The following PRRG1 variants were observed in gnomAD, a reference collection of about 807,000 sequenced individuals.
PRRG1 encodes transmembrane gamma-carboxyglutamic acid protein 1.
Under a neutral mutation model 11.8 loss-of-function variants are expected in PRRG1, and 5 were observed. The observed-to-expected ratio is 0.42, with a 90% CI of 0.22 to 0.89. PRRG1 has a LOEUF of 0.89. Ranked by LOEUF, PRRG1 falls within the 40% of genes least tolerant of loss-of-function variation. The probability of loss-of-function intolerance (pLI) is 0.28; values close to 1 mark genes in which losing one functional copy is unlikely to be tolerated. For synonymous variants in PRRG1, 66 were observed against 60.4 expected (o/e 1.09, Z -0.43); for missense variants, 155 against 166.1 (o/e 0.93, Z 0.37).
intron 3 of PRRG1, among the ~76,000 whole-genome samples, chrX:37,440,177 A>G (rs782284917): frequency 8.9e-6 from 1 of 111,997 alleles, no homozygotes; most frequent in South Asian, 3.8e-4. Flanking sequence ...TCTTTAGACC[A>G]GTATTTTAAG....
intron 3 of PRRG1, chrX:37,442,060 G>A (rs782190507): frequency 1.8e-4 from 136 of 768,908 alleles, no homozygotes; most frequent in Non-Finnish European, 1.9e-4. Flanking sequence ...GGGCGGCAGC[G>A]AGGAAGACAC....
intron 2 of PRRG1, among the ~76,000 whole-genome samples, chrX:37,422,520 T>C (rs1386433050): frequency 8.9e-6 from 1 of 112,229 alleles, no homozygotes; most frequent in East Asian, 2.8e-4. Context: ...TCTTTCTTCA[T>C]GTATTAGTTG....
intron 3 of PRRG1, among the ~76,000 whole-genome samples, chrX:37,432,226 T>C (rs182059403): frequency 0.015 from 1,674 of 110,416 alleles, 45 homozygotes; most frequent in African/African-American, 0.053. Flanking sequence ...TAGCTGGGAC[T>C]ACAGACGCCT....
intron 1 of PRRG1, among the ~76,000 whole-genome samples, chrX:37,387,118 G>T (rs1474787743): frequency 1.8e-5 from 2 of 111,784 alleles, no homozygotes; most frequent in African/African-American, 6.5e-5. Flanking sequence ...ATTTCATAAG[G>T]TGAGAGATAC....
At chrX:37,441,164 CA>C (rs1336601357) in intron 3 of PRRG1, 35 of 846,725 alleles carry the variant, frequency 4.1e-5, no homozygotes, top group Non-Finnish European at 5.0e-5. Context: ...AAAATGTTAC[CA>C]AAAATATCAA....
At chrX:37,421,651 T>G (rs375824083) in intron 2 of PRRG1, among the ~76,000 whole-genome samples, 2 of 112,312 alleles carry the variant, frequency 1.8e-5, no homozygotes, top group African/African-American at 6.5e-5. Context: ...TTCTCCCTTA[T>G]TTTGTTTTCG....
At chrX:37,397,099 T>C (rs1281018290) in intron 1 of PRRG1, among the ~76,000 whole-genome samples, 4 of 112,814 alleles carry the variant, frequency 3.5e-5, no homozygotes, top group East Asian at 5.5e-4. Flanking sequence ...CCACAAAATG[T>C]ACCACTTGTG....
intron 1 of PRRG1, among the ~76,000 whole-genome samples, chrX:37,350,037 T>TG (rs1162761089): frequency 6.2e-5 from 1 of 16,022 alleles, no homozygotes; most frequent in African/African-American, 2.8e-4. Context: ...GGTGCGGCCC[T>TG]GGGGGATGGG....
chrX:37,405,720 A>C (rs782472679), intron 1 of PRRG1, among the ~76,000 whole-genome samples: 2 of 111,500 alleles, frequency 1.8e-5, no homozygotes, highest in Non-Finnish European at 3.8e-5. Flanking sequence ...CCTCAGGGCT[A>C]ATTTGATTAG....
At chrX:37,355,655 TG>T (rs1930213028) in intron 1 of PRRG1, among the ~76,000 whole-genome samples, 1 of 109,186 alleles carries the variant, frequency 9.2e-6, no homozygotes, top group African/African-American at 3.3e-5. Flanking sequence ...GAGAAAGGAG[TG>T]AAAAAAGTAA....
chrX:37,380,495 A>C (rs1344798088), intron 1 of PRRG1, among the ~76,000 whole-genome samples: 1 of 111,238 alleles, frequency 9.0e-6, no homozygotes, highest in Non-Finnish European at 1.9e-5. Flanking sequence ...TGGTTTCCTC[A>C]TCTGTAAAAC....
At chrX:37,393,367 T>A (rs1480197752) in intron 1 of PRRG1, among the ~76,000 whole-genome samples, 4 of 109,799 alleles carry the variant, frequency 3.6e-5, no homozygotes, top group Non-Finnish European at 5.7e-5. Flanking sequence ...TTTACATATA[T>A]CTATACCTCA....
chrX:37,435,684 A>G (rs565941111), intron 3 of PRRG1, among the ~76,000 whole-genome samples: 2 of 111,284 alleles, frequency 1.8e-5, no homozygotes, highest in East Asian at 2.8e-4. Flanking sequence ...ACCAAAAGAC[A>G]TTCTCCAAAA....
At chrX:37,425,748 A>C (rs1291068793) in intron 2 of PRRG1, 92 bp from the exon 3 acceptor site, 1 of 798,005 alleles carries the variant, frequency 1.3e-6, no homozygotes, top group South Asian at 3.1e-5. Context: ...GAGGTTTAGG[A>C]TGTTGGCTAT....
At chrX:37,424,992 G>C (rs781799165) in intron 2 of PRRG1, among the ~76,000 whole-genome samples, 5 of 111,187 alleles carry the variant, frequency 4.5e-5, no homozygotes, top group Admixed American at 9.6e-5. Flanking sequence ...CATTAACGGA[G>C]ATGAAATTCT....
chrX:37,355,528 C>G (rs1930209837), intron 1 of PRRG1, among the ~76,000 whole-genome samples: 1 of 111,691 alleles, frequency 9.0e-6, no homozygotes, highest in African/African-American at 3.3e-5. Flanking sequence ...GGTGAAAAGC[C>G]TGCTGGAGTC....
chrX:37,360,887 T>G (rs1930389033), intron 1 of PRRG1, among the ~76,000 whole-genome samples: 1 of 112,750 alleles, frequency 8.9e-6, no homozygotes, highest in South Asian at 3.6e-4. Context: ...TAACTGTATG[T>G]CAAACCTTAG....
chrX:37,416,421 G>T (rs1932498986), intron 2 of PRRG1, among the ~76,000 whole-genome samples: 1 of 111,901 alleles, frequency 8.9e-6, no homozygotes, highest in South Asian at 3.7e-4. Flanking sequence ...CTATTAAATG[G>T]TGATTATTAG....
chrX:37,429,078 C>A (rs1932801134), intron 3 of PRRG1, among the ~76,000 whole-genome samples: 2 of 112,163 alleles, frequency 1.8e-5, no homozygotes, highest in Non-Finnish European at 3.8e-5. Context: ...CATGGGGACC[C>A]TGGGCCTGGC....
Sources: gnomAD v4.1 joint callset for allele counts (sites outside exome capture counted in the v4.1 genomes callset) on GRCh38, gnomAD v4.1.1 for gene constraint, MANE v1.5 for transcripts, NCBI Gene and HGNC (gene_info 2026-07-23, HGNC 2026-07-21) for gene names.